ZBBX: variants seen among roughly 807,000 people sequenced by gnomAD.
ZBBX encodes the protein zinc finger B-box domain-containing protein 1.
In ZBBX, 101 loss-of-function variants were observed where a neutral mutation model predicts 108.5. The ratio of observed to expected loss-of-function variants is 0.93; its 90% confidence interval spans 0.79 to 1.10. The LOEUF is 1.10. ZBBX is among the 50% of genes least tolerant of loss of function. The probability of loss-of-function intolerance (pLI) is 0.00; values close to 1 mark genes in which losing one functional copy is unlikely to be tolerated. For synonymous variants in ZBBX, 356 were observed against 323.4 expected (o/e 1.10, Z -1.08); for missense variants, 1,009 against 941.4 (o/e 1.07, Z -0.94).
intron 18 of ZBBX, among the ~76,000 whole-genome samples, chr3:167,293,890 A>G (rs2108142770): frequency 6.6e-6 from 1 of 152,178 alleles, no homozygotes; most frequent in South Asian, 2.1e-4. Context: ...AAGCATTCCT[A>G]TACACCTATA....
chr3:167,287,860 C>T (rs540000581), intron 19 of ZBBX, among the ~76,000 whole-genome samples: 2 of 151,948 alleles, frequency 1.3e-5, no homozygotes, highest in African/African-American at 2.4e-5. Flanking sequence ...GACAGATTCT[C>T]AACATAAATG....
chr3:167,235,044 T>C (rs1475962688), downstream of ZBBX, among the ~76,000 whole-genome samples: 1 of 151,724 alleles, frequency 6.6e-6, no homozygotes, highest in African/African-American at 2.4e-5. Context: ...GCTGTAGTAG[T>C]CCATGACTGT....
In ZBBX at chr3:167,365,975, A is replaced by T; in HGVS notation, c.184T>A (p.Ser62Thr). The change falls in exon 6 of 22, where the codon TCA (serine) becomes ACA (threonine). Residue 62 changes from serine (S) to threonine (T), a missense_variant and splice_region_variant. Coordinates refer to ENST00000675490, the MANE Select transcript of ZBBX (RefSeq NM_001199201.2). Reference protein sequence around the residue: ...TRNKEKEDRESSEYYWKSGKV... With the variant: ...TRNKEKEDRETSEYYWKSGKV... ...CCAGATTTCCAGTAATACTCGCTTG[A>T]CCTTTAATATATATAAACAAGATAA... is the stretch of plus-strand genomic sequence containing the variant. The T allele has an allele frequency of 6.2e-7, 1 of 1,600,424 alleles. No homozygotes were observed. Among genetic ancestry groups the T allele is most frequent in the Non-Finnish European group, 8.5e-7 (1 of 1,169,690 alleles).
the ZBBX span, among the ~76,000 whole-genome samples, chr3:167,181,578 A>C: frequency 6.6e-6 from 1 of 152,182 alleles, no homozygotes; most frequent in Non-Finnish European, 1.5e-5. Context: ...GATGTTTTTC[A>C]ATAATTTGAT....
At chr3:167,203,436 C>A in the ZBBX span, among the ~76,000 whole-genome samples, 1 of 151,924 alleles carries the variant, frequency 6.6e-6, no homozygotes, top group African/African-American at 2.4e-5. Flanking sequence ...TAATGTAGCC[C>A]ATAACACCAA....
the ZBBX span, among the ~76,000 whole-genome samples, chr3:167,188,811 C>A: frequency 6.6e-6 from 1 of 152,130 alleles, no homozygotes; most frequent in Non-Finnish European, 1.5e-5. Context: ...GATAAACAAA[C>A]CTGTGGTGGA....
chr3:167,309,943 C>A (rs1443111238), intron 16 of ZBBX, among the ~76,000 whole-genome samples: 1 of 152,192 alleles, frequency 6.6e-6, no homozygotes. Flanking sequence ...CCCTTTTAAA[C>A]ATAATTTCCA....
chr3:167,317,017 G>A lies in ZBBX; in HGVS notation c.1182C>T (p.Val394=), dbSNP rs758944943. ...IERPEPSLKI[V]ELDDTYEEEF... The stretch of plus-strand genomic sequence containing the variant: ...CTTATGCACTTACATCATCCAGTTC[G>A]ACTATCTTTAGAGATGGTTCAGGTC... Residue 394 remains valine (V), a synonymous_variant, in exon 14 of 22, where the codon GTC becomes GTT. Coordinates refer to ENST00000675490, the MANE Select transcript of ZBBX (RefSeq NM_001199201.2). 24 of 1,596,734 alleles carry A rather than the reference G, an allele frequency of 1.5e-5. No individual in the cohort carries two copies. The highest frequency in any genetic ancestry group is 1.9e-5 in the Non-Finnish European group (22 of 1,168,454).
intron 10 of ZBBX, among the ~76,000 whole-genome samples, chr3:167,330,691 T>C (rs936335865): frequency 4.0e-4 from 61 of 151,166 alleles, no homozygotes; most frequent in African/African-American, 1.4e-3. Context: ...TGGGAGGAGG[T>C]TGCAGTGAGC....
At chr3:167,254,610 T>A (rs1723150199) in intron 20 of ZBBX, among the ~76,000 whole-genome samples, 1 of 152,102 alleles carries the variant, frequency 6.6e-6, no homozygotes, top group Non-Finnish European at 1.5e-5. Context: ...TAAGTAATAC[T>A]TTTTTAAAGA....
At chr3:167,233,269 C>T in the ZBBX span, among the ~76,000 whole-genome samples, 9 of 151,798 alleles carry the variant, frequency 5.9e-5, no homozygotes, top group Non-Finnish European at 8.8e-5. Flanking sequence ...CTTAGGCTAC[C>T]ATGTTGCCTG....
At chr3:167,310,704 T>C (rs2108261302) in intron 16 of ZBBX, among the ~76,000 whole-genome samples, 1 of 152,128 alleles carries the variant, frequency 6.6e-6, no homozygotes. Flanking sequence ...TCCCACCAGG[T>C]CCCTCCCTTG....
intron 16 of ZBBX, among the ~76,000 whole-genome samples, chr3:167,313,010 G>A (rs934692532): frequency 6.6e-6 from 1 of 152,052 alleles, no homozygotes; most frequent in African/African-American, 2.4e-5. Context: ...GTTAAAAGGA[G>A]GCTTGAAAAT....
intron 9 of ZBBX, among the ~76,000 whole-genome samples, chr3:167,342,204 C>G (rs1456860692): frequency 6.6e-6 from 1 of 151,642 alleles, no homozygotes; most frequent in African/African-American, 2.4e-5. Context: ...TAACATATAG[C>G]AAACAAACTA....
At chr3:167,384,068 T>A (rs192180741), upstream of ZBBX, among the ~76,000 whole-genome samples, 171 of 152,224 alleles carry the variant, frequency 1.1e-3, no homozygotes, top group Non-Finnish European at 1.4e-3. Context: ...AAATTTTCTT[T>A]TCTTCTCTCC....
intron 20 of ZBBX, among the ~76,000 whole-genome samples, chr3:167,274,296 T>C (rs569985983): frequency 6.6e-6 from 1 of 152,192 alleles, no homozygotes; most frequent in African/African-American, 2.4e-5. Flanking sequence ...CTTGCAGTCA[T>C]GATAGGTGTG....
chr3:167,231,685 T>A, the ZBBX span, among the ~76,000 whole-genome samples: 1 of 151,842 alleles, frequency 6.6e-6, no homozygotes, highest in Non-Finnish European at 1.5e-5. Flanking sequence ...CATGACAGTA[T>A]GCTGTCCCTT....
intron 18 of ZBBX, among the ~76,000 whole-genome samples, chr3:167,295,872 C>G (rs1731616255): frequency 6.7e-6 from 1 of 149,898 alleles, no homozygotes; most frequent in South Asian, 2.1e-4. Context: ...GAAATAACAC[C>G]AGTCCTCAAA....
chr3:167,279,014 A>G (rs1728242500), intron 20 of ZBBX, among the ~76,000 whole-genome samples: 1 of 152,118 alleles, frequency 6.6e-6, no homozygotes, highest in South Asian at 2.1e-4. Flanking sequence ...TGATTATCTC[A>G]ATAGATGCAG....
Sources: gnomAD v4.1 joint callset for allele counts (sites outside exome capture counted in the v4.1 genomes callset) on GRCh38, gnomAD v4.1.1 for gene constraint, MANE v1.5 for transcripts, NCBI Gene and HGNC (gene_info 2026-07-23, HGNC 2026-07-21) for gene names.